Variants in NALF1 observed in about 807,000 individuals in gnomAD.
The protein encoded by NALF1 is NALCN channel auxiliary factor 1, also known as family with sequence similarity 155 member A.
In NALF1, 3 loss-of-function variants were observed where a neutral mutation model predicts 48.4. The observed-to-expected ratio is 0.06, with a 90% confidence interval of 0.03 to 0.16. The LOEUF is 0.16. Ranked by LOEUF, NALF1 falls within the 10% of genes least tolerant of loss-of-function variation. NALF1 has a pLI of 1.00. For missense variants in NALF1, 526 were observed against 571.5 expected (o/e 0.92, Z 0.81); for synonymous variants, 262 against 245.7 (o/e 1.07, Z -0.62).
intron 1 of NALF1, among the ~76,000 whole-genome samples, chr13:107,492,850 T>C (rs1220246412): frequency 6.6e-6 from 1 of 152,216 alleles, no homozygotes; most frequent in Non-Finnish European, 1.5e-5. Context: ...TACACAATTT[T>C]GTTTTCTTTG....
intron 1 of NALF1, among the ~76,000 whole-genome samples, chr13:107,644,050 T>G (rs1880238299): frequency 1.4e-5 from 2 of 140,040 alleles, no homozygotes; most frequent in African/African-American, 5.0e-5. Context: ...TTACATGACT[T>G]ATTTTTGACA....
intron 1 of NALF1, among the ~76,000 whole-genome samples, chr13:107,532,584 A>G (rs1322185683): frequency 6.6e-6 from 1 of 152,076 alleles, no homozygotes; most frequent in African/African-American, 2.4e-5. Context: ...TCCATAAACT[A>G]CTGGAAAATT....
At chr13:107,409,039 A>G (rs924751977) in intron 1 of NALF1, among the ~76,000 whole-genome samples, 1 of 152,154 alleles carries the variant, frequency 6.6e-6, no homozygotes, top group African/African-American at 2.4e-5. Flanking sequence ...ACAAAGCCCA[A>G]CATGAATAGA....
At chr13:107,539,999 A>T (rs1322403313) in intron 1 of NALF1, among the ~76,000 whole-genome samples, 4 of 152,026 alleles carry the variant, frequency 2.6e-5, no homozygotes, top group African/African-American at 9.7e-5. Context: ...AAATATCATT[A>T]AAAACAAAAC....
At chr13:107,614,388 T>C (rs1470684996) in intron 1 of NALF1, among the ~76,000 whole-genome samples, 1 of 152,210 alleles carries the variant, frequency 6.6e-6, no homozygotes, top group East Asian at 1.9e-4. Flanking sequence ...GATTCTACTA[T>C]GAAGACAGAA....
chr13:107,802,117 A>G (rs1878634859), intron 1 of NALF1, among the ~76,000 whole-genome samples: 1 of 152,236 alleles, frequency 6.6e-6, no homozygotes, highest in Non-Finnish European at 1.5e-5. Context: ...CTCTTCTCTG[A>G]TAAACAGAAG....
intron 1 of NALF1, among the ~76,000 whole-genome samples, chr13:107,583,729 G>C (rs938675054): frequency 6.6e-6 from 1 of 152,102 alleles, no homozygotes; most frequent in Admixed American, 6.6e-5. Flanking sequence ...TAACCTCCAA[G>C]GACTATTACA....
chr13:107,569,785 G>A (rs1877932555), intron 1 of NALF1, among the ~76,000 whole-genome samples: 1 of 152,126 alleles, frequency 6.6e-6, no homozygotes, highest in Non-Finnish European at 1.5e-5. Flanking sequence ...AAAGAAACAT[G>A]CTGAGATTTT....
chr13:107,810,194 C>T (rs1003877121), intron 1 of NALF1, among the ~76,000 whole-genome samples: 1 of 152,060 alleles, frequency 6.6e-6, no homozygotes, highest in Non-Finnish European at 1.5e-5. Flanking sequence ...GACCAACAAC[C>T]TCTTCCCAAT....
intron 1 of NALF1, among the ~76,000 whole-genome samples, chr13:107,634,934 A>G (rs1879934065): frequency 6.6e-6 from 1 of 152,176 alleles, no homozygotes; most frequent in African/African-American, 2.4e-5. Flanking sequence ...TAAGTCCCAC[A>G]AGTAGGAGTA....
intron 1 of NALF1, among the ~76,000 whole-genome samples, chr13:107,373,304 T>G (rs1883279016): frequency 6.6e-6 from 1 of 152,172 alleles, no homozygotes; most frequent in African/African-American, 2.4e-5. Flanking sequence ...AGCTCAAAAT[T>G]CTCTGGAGAT....
intron 1 of NALF1, among the ~76,000 whole-genome samples, chr13:107,374,517 T>TGC (rs1883302331): frequency 2.0e-5 from 3 of 152,152 alleles, no homozygotes. Context: ...TTAAGCAGCT[T>TGC]TCCCTTGAAA....
intron 1 of NALF1, among the ~76,000 whole-genome samples, chr13:107,658,939 C>T (rs772175719): frequency 6.6e-6 from 1 of 151,978 alleles, no homozygotes; most frequent in Non-Finnish European, 1.5e-5. Flanking sequence ...GAAATGTGAC[C>T]GCTTCTCCAG....
At chr13:107,505,696 G>A (rs1202941090) in intron 1 of NALF1, among the ~76,000 whole-genome samples, 1 of 152,186 alleles carries the variant, frequency 6.6e-6, no homozygotes, top group East Asian at 1.9e-4. Flanking sequence ...AGCTTGAAGT[G>A]CCTCTTACGT....
At chr13:107,584,234 G>A (rs982771279) in intron 1 of NALF1, among the ~76,000 whole-genome samples, 10 of 152,060 alleles carry the variant, frequency 6.6e-5, no homozygotes, top group Admixed American at 1.3e-4. Context: ...AGATTAATAC[G>A]TACCTGATAC....
intron 1 of NALF1, among the ~76,000 whole-genome samples, chr13:107,448,285 G>GA (rs992778177): frequency 9.2e-5 from 14 of 151,618 alleles, no homozygotes; most frequent in African/African-American, 2.2e-4. Context: ...AATTTAACCA[G>GA]AAAAAAAATC....
intron 1 of NALF1, among the ~76,000 whole-genome samples, chr13:107,337,888 C>G (rs1214030101): frequency 6.6e-6 from 1 of 152,028 alleles, no homozygotes; most frequent in Non-Finnish European, 1.5e-5. Context: ...TTGCAGATTG[C>G]TAAGAAAAGT....
intron 1 of NALF1, among the ~76,000 whole-genome samples, chr13:107,752,249 C>T (rs1876961187): frequency 6.6e-6 from 1 of 151,950 alleles, no homozygotes. Flanking sequence ...TTGTATTAGC[C>T]AACATTTAGA....
chr13:107,253,051 T>C (rs184624665), intron 1 of NALF1, among the ~76,000 whole-genome samples: 147 of 152,324 alleles, frequency 9.7e-4, no homozygotes, highest in African/African-American at 3.4e-3. Flanking sequence ...TGAAAAGAAG[T>C]ATTCTGTAAA....
Sources: allele counts gnomAD v4.1 joint callset (sites outside exome capture counted in the v4.1 genomes callset), GRCh38; gene constraint gnomAD v4.1.1; transcripts MANE v1.5; gene names NCBI Gene and HGNC (gene_info 2026-07-23, HGNC 2026-07-21).